The following RAD51B variants were observed in gnomAD, a reference collection of about 807,000 sequenced individuals.
RAD51B encodes the protein RAD51 paralog B, also known as DNA repair protein RAD51 homolog 2.
RAD51B carries 38 observed loss-of-function variants against 42.2 expected under a neutral mutation model. The ratio of observed to expected loss-of-function variants is 0.90; its 90% CI spans 0.70 to 1.18. The LOEUF is 1.18. Ranked by LOEUF, RAD51B falls within the 50% of genes most tolerant of loss-of-function variation. The pLI is 0.00. For missense variants in RAD51B, 373 were observed against 400.7 expected (o/e 0.93, Z 0.59); for synonymous variants, 154 against 145.2 (o/e 1.06, Z -0.43).
intron 7 of RAD51B, among the ~76,000 whole-genome samples, chr14:68,053,016 C>T (rs1042384501): frequency 2.0e-5 from 3 of 152,182 alleles, no homozygotes; most frequent in African/African-American, 7.2e-5. Context: ...TACAGGTAGC[C>T]ATATTTATAT....
intron 10 of RAD51B, among the ~76,000 whole-genome samples, chr14:68,523,506 A>C (rs1886723433): frequency 6.6e-6 from 1 of 152,210 alleles, no homozygotes; most frequent in Non-Finnish European, 1.5e-5. Context: ...AATCAGGAAG[A>C]CAGCCAGCAC....
At chr14:67,931,798 C>T (rs1160993456) in intron 7 of RAD51B, among the ~76,000 whole-genome samples, 3 of 152,120 alleles carry the variant, frequency 2.0e-5, no homozygotes, top group Non-Finnish European at 2.9e-5. Flanking sequence ...TCACAGTGCC[C>T]GGCCCAGCAT....
chr14:68,166,675 A>G (rs1484441589), intron 7 of RAD51B, among the ~76,000 whole-genome samples: 1 of 152,316 alleles, frequency 6.6e-6, no homozygotes, highest in South Asian at 2.1e-4. Flanking sequence ...CATTAGCACC[A>G]GTCTGCGGAT....
intron 7 of RAD51B, among the ~76,000 whole-genome samples, chr14:68,277,505 G>C (rs371022339): frequency 6.6e-6 from 1 of 152,280 alleles, no homozygotes; most frequent in East Asian, 1.9e-4. Context: ...CCATTTATAT[G>C]CTGTAAACTT....
intron 7 of RAD51B, among the ~76,000 whole-genome samples, chr14:68,113,497 C>A (rs190684596): frequency 2.4e-4 from 36 of 152,236 alleles, no homozygotes; most frequent in African/African-American, 8.4e-4. Context: ...AAGGTTCCCT[C>A]ATACCAGGCA....
At position 68,251,346 on chromosome 14, in the gene RAD51B, C is replaced by T. The variant is rs79273259; in HGVS notation, c.757-40538C>T. The stretch of plus-strand genomic sequence containing the variant: ...GAGCCCCGGCCCATTAAAATTCCTT[C>T]TTAAAAGCAGGAGGTGAAAAGAGCC... On this transcript the variant is annotated intron_variant, in intron 7 of 10. Coordinates refer to ENST00000471583, the MANE Select transcript of RAD51B (RefSeq NM_133510.4). Among the ~76,000 whole-genome samples the T allele has an allele frequency of 9.2e-3, 1,396 of 152,250 alleles. 25 individuals carry two copies. The highest frequency in any genetic ancestry group is 0.032 in the African/African-American group (1,320 of 41,530).
At chr14:68,432,687 G>A (rs1252947522) in intron 9 of RAD51B, among the ~76,000 whole-genome samples, 3 of 152,140 alleles carry the variant, frequency 2.0e-5, no homozygotes, top group African/African-American at 7.2e-5. Flanking sequence ...CACACTGATA[G>A]GTCTTGACTC....
chr14:67,922,687 C>CTTTTTTT (rs34206440), intron 7 of RAD51B, among the ~76,000 whole-genome samples: 2 of 132,516 alleles, frequency 1.5e-5, no homozygotes. Context: ...AATATGTAGT[C>CTTTTTTT]TTTTTTTTTT....
At chr14:68,401,784 G>A (rs1379549006) in intron 8 of RAD51B, among the ~76,000 whole-genome samples, 3 of 152,150 alleles carry the variant, frequency 2.0e-5, no homozygotes, top group Non-Finnish European at 4.4e-5. Context: ...TTATAAATCT[G>A]AAAGACGACT....
chr14:68,566,618 T>C (rs552276150), intron 10 of RAD51B, among the ~76,000 whole-genome samples: 9 of 152,228 alleles, frequency 5.9e-5, no homozygotes, highest in African/African-American at 1.7e-4. Context: ...TCATGGACAG[T>C]CCAGGGCTCA....
At chr14:67,842,404 A>C (rs893361272) in intron 4 of RAD51B, among the ~76,000 whole-genome samples, 7 of 151,918 alleles carry the variant, frequency 4.6e-5, no homozygotes, top group African/African-American at 7.3e-5. Context: ...TTTGAGATGG[A>C]GTCTCACTCT....
At chr14:68,228,766 C>T (rs147167294) in intron 7 of RAD51B, among the ~76,000 whole-genome samples, 16 of 152,290 alleles carry the variant, frequency 1.1e-4, no homozygotes, top group East Asian at 7.7e-4. Flanking sequence ...GGCATTGACC[C>T]GCTGTGTGAC....
intron 10 of RAD51B, among the ~76,000 whole-genome samples, chr14:68,609,138 G>A (rs185449426): frequency 6.6e-6 from 1 of 152,102 alleles, no homozygotes; most frequent in Non-Finnish European, 1.5e-5. Flanking sequence ...TCCCTTGCCC[G>A]CCTGATCTCA....
At chr14:68,462,898 A>G (rs2085880294) in intron 9 of RAD51B, among the ~76,000 whole-genome samples, 1 of 152,208 alleles carries the variant, frequency 6.6e-6, no homozygotes, top group Non-Finnish European at 1.5e-5. Context: ...ACATATATCT[A>G]CACTCATTCT....
intron 9 of RAD51B, 135 bp from the exon 10 acceptor site, chr14:68,468,036 TG>T (rs1244992885): frequency 8.2e-6 from 6 of 731,554 alleles, no homozygotes; most frequent in Non-Finnish European, 1.4e-5. Context: ...GGTTATAAAA[TG>T]GTTTTTTTTT....
intron 7 of RAD51B, among the ~76,000 whole-genome samples, chr14:68,147,980 C>T (rs546067918): frequency 6.6e-6 from 1 of 152,262 alleles, no homozygotes; most frequent in Admixed American, 6.5e-5. Context: ...ATCCATGTCT[C>T]TTACCCTTCC....
intron 8 of RAD51B, among the ~76,000 whole-genome samples, chr14:68,320,456 A>G (rs981508637): frequency 2.6e-5 from 4 of 152,232 alleles, no homozygotes; most frequent in African/African-American, 9.6e-5. Context: ...TAAATAGCTA[A>G]CAGCTTTGAG....
intron 10 of RAD51B, among the ~76,000 whole-genome samples, chr14:68,604,259 T>A (rs1231083948): frequency 6.6e-6 from 1 of 150,518 alleles, no homozygotes; most frequent in Non-Finnish European, 1.5e-5. Context: ...TCCGAGAAAC[T>A]CCCCCTGCAC....
intron 7 of RAD51B, among the ~76,000 whole-genome samples, chr14:67,986,099 T>A (rs147802131): frequency 1.3e-5 from 2 of 152,354 alleles, no homozygotes; most frequent in East Asian, 3.8e-4. Flanking sequence ...TATGGTGCTG[T>A]GTGCGCAAGT....
Sources: gnomAD v4.1 joint callset for allele counts (sites outside exome capture counted in the v4.1 genomes callset) on GRCh38, gnomAD v4.1.1 for gene constraint, MANE v1.5 for transcripts, NCBI Gene and HGNC (gene_info 2026-07-23, HGNC 2026-07-21) for gene names.